Variants in MGAT4C observed in about 807,000 individuals in gnomAD.
MGAT4C encodes MGAT4 family member C, also known as alpha-1,3-mannosyl-glycoprotein 4-beta-N-acetylglucosaminyltransferase C.
In MGAT4C, 19 loss-of-function variants were observed where a neutral mutation model predicts 40.1. The ratio of observed to expected loss-of-function variants is 0.47; its 90% confidence interval spans 0.33 to 0.70. The LOEUF (loss-of-function observed/expected upper bound fraction) is 0.70. Ranked by LOEUF, MGAT4C falls within the 30% of genes least tolerant of loss-of-function variation. The pLI is 0.02. For missense variants in MGAT4C, 491 were observed against 563.2 expected (o/e 0.87, Z 1.30); for synonymous variants, 181 against 187.1 (o/e 0.97, Z 0.27).
intron 1 of MGAT4C, among the ~76,000 whole-genome samples, chr12:86,795,136 CT>C (rs1383740471): frequency 6.6e-6 from 1 of 151,758 alleles, no homozygotes; most frequent in Non-Finnish European, 1.5e-5. Context: ...ATTTTTAAGT[CT>C]GTGTTTTCCT....
intron 2 of MGAT4C, among the ~76,000 whole-genome samples, chr12:86,035,015 T>C (rs1891099365): frequency 6.7e-6 from 1 of 150,096 alleles, no homozygotes; most frequent in African/African-American, 2.4e-5. Context: ...TCTTTGCTAT[T>C]GCGAACAGTC....
At chr12:86,391,848 G>A (rs140316909) in intron 3 of MGAT4C, among the ~76,000 whole-genome samples, 1 of 151,908 alleles carries the variant, frequency 6.6e-6, no homozygotes, top group African/African-American at 2.4e-5. Context: ...GACAGAGTGA[G>A]AATCCGTCTC....
chr12:86,078,353 G>T (rs1870174571), intron 1 of MGAT4C, among the ~76,000 whole-genome samples: 1 of 152,172 alleles, frequency 6.6e-6, no homozygotes, highest in African/African-American at 2.4e-5. Flanking sequence ...GCCCACTGCT[G>T]CACTTCTTTA....
chr12:86,155,470 T>C (rs1379402397), intron 1 of MGAT4C, among the ~76,000 whole-genome samples: 1 of 152,188 alleles, frequency 6.6e-6, no homozygotes, highest in Non-Finnish European at 1.5e-5. Flanking sequence ...TTAGGTGCTC[T>C]AAACAGGACA....
chr12:86,612,635 G>C (rs1450562870), intron 2 of MGAT4C, among the ~76,000 whole-genome samples: 1 of 151,202 alleles, frequency 6.6e-6, no homozygotes, highest in Non-Finnish European at 1.5e-5. Flanking sequence ...CAGCTCTCAG[G>C]AGGCTGAGAC....
At chr12:86,084,289 T>C (rs1279366539) in intron 1 of MGAT4C, among the ~76,000 whole-genome samples, 2 of 151,784 alleles carry the variant, frequency 1.3e-5, no homozygotes, top group Non-Finnish European at 2.9e-5. Flanking sequence ...TTTGAGGAGG[T>C]GGTTAGGAAA....
chr12:86,076,926 C>T (rs1413936073), intron 1 of MGAT4C, among the ~76,000 whole-genome samples: 1 of 152,096 alleles, frequency 6.6e-6, no homozygotes, highest in Non-Finnish European at 1.5e-5. Flanking sequence ...ACATGGAGTC[C>T]AATGTTCTAA....
intron 1 of MGAT4C, among the ~76,000 whole-genome samples, chr12:86,827,965 C>G (rs537575962): frequency 3.3e-5 from 5 of 151,240 alleles, no homozygotes; most frequent in African/African-American, 1.2e-4. Context: ...TAATTAGCCT[C>G]AGATGTCTAC....
chr12:86,806,449 T>TGTGTGTGTGTGAGA (rs5799800), intron 1 of MGAT4C, among the ~76,000 whole-genome samples: 1 of 149,956 alleles, frequency 6.7e-6, no homozygotes, highest in African/African-American at 2.4e-5. Flanking sequence ...TGTGTGTGTG[T>TGTGTGTGTGTGAGA]GAGAGAGAGA....
At chr12:86,075,902 T>G (rs1869606718) in intron 1 of MGAT4C, among the ~76,000 whole-genome samples, 1 of 152,174 alleles carries the variant, frequency 6.6e-6, no homozygotes. Context: ...ACCTCTGACA[T>G]GCTCTGGAGA....
chr12:86,619,494 G>A (rs901992802), intron 2 of MGAT4C, among the ~76,000 whole-genome samples: 2 of 152,052 alleles, frequency 1.3e-5, no homozygotes, highest in African/African-American at 4.8e-5. Context: ...GTTCACAAAT[G>A]TACTCTCAAC....
intron 2 of MGAT4C, among the ~76,000 whole-genome samples, chr12:85,996,467 A>G (rs1393598992): frequency 6.6e-6 from 1 of 152,196 alleles, no homozygotes; most frequent in Admixed American, 6.5e-5. Flanking sequence ...TCACAGGAAA[A>G]GTGAGATCAT....
chr12:86,653,330 T>C (rs888667653), intron 2 of MGAT4C, among the ~76,000 whole-genome samples: 4 of 151,848 alleles, frequency 2.6e-5, no homozygotes, highest in Non-Finnish European at 5.9e-5. Flanking sequence ...CTCAAAAAGC[T>C]TTTTTTCTAC....
chr12:86,610,784 T>C (rs1322635654), intron 2 of MGAT4C, among the ~76,000 whole-genome samples: 1 of 113,608 alleles, frequency 8.8e-6, no homozygotes, highest in Non-Finnish European at 1.7e-5. Flanking sequence ...GATGTTCCCC[T>C]TCCTTGAGAA....
chr12:86,613,148 A>T (rs1206565231), intron 2 of MGAT4C, among the ~76,000 whole-genome samples: 3 of 152,218 alleles, frequency 2.0e-5, no homozygotes, highest in Admixed American at 2.0e-4. Context: ...GGGCTAAATG[A>T]AAACGATTAA....
chr12:86,663,524 A>C (rs1309714281), intron 2 of MGAT4C, among the ~76,000 whole-genome samples: 1 of 152,156 alleles, frequency 6.6e-6, no homozygotes. Context: ...CCAAGGTAAG[A>C]AAAGTTGTTT....
intron 2 of MGAT4C, among the ~76,000 whole-genome samples, chr12:86,518,276 T>C (rs1565821259): frequency 6.6e-6 from 1 of 152,062 alleles, no homozygotes; most frequent in Non-Finnish European, 1.5e-5. Flanking sequence ...ACTAAGAAAA[T>C]ACAAATCAAG....
chr12:86,071,881 T>A (rs1868554307), intron 1 of MGAT4C, among the ~76,000 whole-genome samples: 1 of 152,120 alleles, frequency 6.6e-6, no homozygotes, highest in African/African-American at 2.4e-5. Flanking sequence ...TTCAAAAGAA[T>A]AATTATTGAA....
chr12:86,626,990 C>T (rs940520577), intron 2 of MGAT4C, among the ~76,000 whole-genome samples: 7 of 152,216 alleles, frequency 4.6e-5, no homozygotes, highest in Non-Finnish European at 1.0e-4. Context: ...ACAGGCTGTA[C>T]CAGGAATATC....
Sources: gnomAD v4.1 joint callset for allele counts (sites outside exome capture counted in the v4.1 genomes callset) on GRCh38, gnomAD v4.1.1 for gene constraint, MANE v1.5 for transcripts, NCBI Gene and HGNC (gene_info 2026-07-23, HGNC 2026-07-21) for gene names.